LRRC7: variants seen among roughly 807,000 people sequenced by gnomAD.
The protein encoded by LRRC7 is leucine rich repeat containing 7, also known as leucine-rich repeat-containing protein 7.
In LRRC7, 23 loss-of-function variants were observed where a neutral mutation model predicts 175.7. The observed-to-expected ratio is 0.13, with a 90% CI of 0.09 to 0.19. The LOEUF (loss-of-function observed/expected upper bound fraction) is 0.19. Ranked by LOEUF, LRRC7 falls within the 10% of genes least tolerant of loss-of-function variation. The pLI, the probability that LRRC7 is intolerant of heterozygous loss-of-function variation, is 1.00. For synonymous variants in LRRC7, 685 were observed against 680.9 expected, an observed-to-expected ratio of 1.01 and a Z score of -0.09; for missense variants, 1,354 against 1,904.7, an observed-to-expected ratio of 0.71 and a Z score of 5.38.
chr1:69,907,925 G>T (rs995752596), intron 7 of LRRC7, among the ~76,000 whole-genome samples: 49 of 152,108 alleles, frequency 3.2e-4, no homozygotes, highest in African/African-American at 1.1e-3. Flanking sequence ...ATTGATTATT[G>T]CCACAATTTC....
chr1:69,718,108 A>AG (rs1557642941), intron 2 of LRRC7, among the ~76,000 whole-genome samples: 2 of 73,408 alleles, frequency 2.7e-5, no homozygotes, highest in African/African-American at 6.5e-5. Flanking sequence ...AGAAAGAGAG[A>AG]AAAAGAAAGA....
intron 5 of LRRC7, 37 bp from the exon 6 acceptor site, chr1:69,834,743 C>A: frequency 6.8e-7 from 1 of 1,460,738 alleles, no homozygotes; most frequent in Admixed American, 1.7e-5. Flanking sequence ...TCTATAGCAA[C>A]ATCAATGCAG....
Position 70,006,722 on chromosome 1 carries a change from T to A in LRRC7, c.1005-5075T>A, listed in dbSNP as rs1471925379. ...CACAAAACTATCCCCCCTTTTCAGA[T>A]GCCAATCACAAGTCCAGGCCTCCTG... On this transcript the variant is annotated intron_variant, in intron 11 of 26. Transcript: ENST00000651989. Among the ~76,000 whole-genome samples, 3 of 152,086 alleles carry A rather than the reference T, an allele frequency of 2.0e-5. No individual in the cohort carries two copies. In the East Asian group the frequency reaches 5.8e-4, roughly 29 times the overall value.
intron 4 of LRRC7, 22 bp downstream of exon 4, chr1:69,792,182 A>C (rs1412755919): frequency 1.5e-6 from 2 of 1,315,644 alleles, no homozygotes; most frequent in Admixed American, 1.9e-5. Flanking sequence ...CTCTCATCAT[A>C]AAATACCTAG....
chr1:70,031,791 T>TG (rs1658752302), intron 18 of LRRC7, among the ~76,000 whole-genome samples: 2 of 86,818 alleles, frequency 2.3e-5, no homozygotes, highest in South Asian at 7.2e-4. Context: ...AAGGATTTTC[T>TG]TTTTTTTTTT....
chr1:70,068,505 T>C (rs1662139312), intron 23 of LRRC7, among the ~76,000 whole-genome samples: 1 of 152,186 alleles, frequency 6.6e-6, no homozygotes, highest in Non-Finnish European at 1.5e-5. Context: ...TCATTGCCAA[T>C]ATTTTATTAA....
intron 11 of LRRC7, among the ~76,000 whole-genome samples, chr1:70,000,285 T>G (rs374442042): frequency 3.3e-4 from 51 of 152,320 alleles, no homozygotes; most frequent in African/African-American, 1.2e-3. Flanking sequence ...ATTTTTACTG[T>G]ACCTTTTCTA....
rs1300258514 is a variant in LRRC7 at position 70,131,855 on chromosome 1, A to G, written c.*9968A>G. On this transcript the variant is annotated 3_prime_UTR_variant, in exon 27 of 27. Transcript: ENST00000651989. Reference sequence around the variant, plus strand: ...AATGAACTGGAAAAGTGAAATATTAATTGAGAGAGTGACATTATCTTAGGA... The same window carrying G: ...AATGAACTGGAAAAGTGAAATATTAGTTGAGAGAGTGACATTATCTTAGGA... Among the ~76,000 whole-genome samples the G allele has an allele frequency of 6.6e-6, 1 of 152,252 alleles. No homozygotes were observed. Among genetic ancestry groups the G allele is most frequent in the Non-Finnish European group, 1.5e-5 (1 of 68,040 alleles).
At chr1:69,717,853 G>GAAGAAAGAAAGGAAA in intron 2 of LRRC7, among the ~76,000 whole-genome samples, 1 of 15,632 alleles carries the variant, frequency 6.4e-5, no homozygotes, top group East Asian at 1.3e-3. Flanking sequence ...AAGAAAGAAA[G>GAAGAAAGAAAGGAAA]GAAAGAAAGA....
intron 7 of LRRC7, among the ~76,000 whole-genome samples, chr1:69,852,399 G>A (rs990324444): frequency 6.6e-6 from 1 of 152,056 alleles, no homozygotes; most frequent in Non-Finnish European, 1.5e-5. Flanking sequence ...TGACTGATTG[G>A]CAGGAACAGA....
intron 25 of LRRC7, among the ~76,000 whole-genome samples, chr1:70,092,392 G>GTTCC (rs1664095049): frequency 1.3e-5 from 2 of 152,148 alleles, no homozygotes; most frequent in South Asian, 4.2e-4. Flanking sequence ...AAATAAATAA[G>GTTCC]TCATTGATTA....
At chr1:69,790,240 G>T (rs919408087) in intron 3 of LRRC7, among the ~76,000 whole-genome samples, 2 of 152,002 alleles carry the variant, frequency 1.3e-5, no homozygotes, top group African/African-American at 2.4e-5. Context: ...TGCACAGCTA[G>T]TAAATAGATG....
intron 24 of LRRC7, among the ~76,000 whole-genome samples, chr1:70,078,444 A>G (rs998284706): frequency 2.0e-5 from 3 of 152,146 alleles, no homozygotes; most frequent in African/African-American, 7.2e-5. Context: ...TTATACCAGG[A>G]ACATCAGCAA....
intron 7 of LRRC7, among the ~76,000 whole-genome samples, chr1:69,906,801 T>C (rs993435876): frequency 5.9e-5 from 9 of 152,184 alleles, no homozygotes; most frequent in Non-Finnish European, 8.8e-5. Context: ...GTGAAGAAAG[T>C]CATTGGTAGT....
chr1:69,594,275 A>G (rs61782213), intron 1 of LRRC7, among the ~76,000 whole-genome samples: 16,061 of 152,114 alleles, frequency 0.11, 1,005 homozygotes, highest in Admixed American at 0.15. Flanking sequence ...ACTCATTGAG[A>G]TAATTTATTA....
intron 8 of LRRC7, among the ~76,000 whole-genome samples, chr1:69,956,732 G>T (rs1031371742): frequency 1.3e-5 from 2 of 151,358 alleles, no homozygotes; most frequent in Admixed American, 6.6e-5. Context: ...CATATTCAGG[G>T]TAATAAAACT....
At chr1:69,903,685 C>T (rs534886748) in intron 7 of LRRC7, among the ~76,000 whole-genome samples, 1 of 152,066 alleles carries the variant, frequency 6.6e-6, no homozygotes, top group Non-Finnish European at 1.5e-5. Flanking sequence ...GATAGAGACA[C>T]AAAAAACCCT....
chr1:69,851,102 A>C (rs2101461031), intron 7 of LRRC7, among the ~76,000 whole-genome samples: 1 of 152,218 alleles, frequency 6.6e-6, no homozygotes, highest in South Asian at 2.1e-4. Context: ...GAGAGGGAGG[A>C]GTCAATTGTA....
At chr1:69,810,872 TC>T in intron 4 of LRRC7, among the ~76,000 whole-genome samples, 1 of 152,250 alleles carries the variant, frequency 6.6e-6, no homozygotes, top group South Asian at 2.1e-4. Context: ...GGCAAAGACC[TC>T]ATGACTAAAA....
Sources: gnomAD v4.1 joint callset for allele counts (sites outside exome capture counted in the v4.1 genomes callset) on GRCh38, gnomAD v4.1.1 for gene constraint, MANE v1.5 for transcripts, NCBI Gene and HGNC (gene_info 2026-07-23, HGNC 2026-07-21) for gene names.